MEPCE: variants seen among roughly 807,000 people sequenced by gnomAD.
The protein encoded by MEPCE is 7SK snRNA methylphosphate capping enzyme.
Under a neutral mutation model 52.3 loss-of-function variants are expected in MEPCE, and 9 were observed. The observed-to-expected ratio is 0.17, with a 90% CI of 0.10 to 0.30. The LOEUF (loss-of-function observed/expected upper bound fraction) is 0.30, where lower values mean the gene tolerates loss of function less well. MEPCE is among the 10% of genes least tolerant of loss of function. The pLI is 1.00. For synonymous variants in MEPCE, 477 were observed against 401.6 expected (o/e 1.19, Z -2.25); for missense variants, 826 against 933.0 (o/e 0.89, Z 1.49).
rs754062405 is a variant in MEPCE, at chr7:100,430,554, C to G, written c.536C>G (p.Ser179Cys). 5 of 1,594,062 alleles carry G rather than the reference C, an allele frequency of 3.1e-6. No individual in the cohort carries two copies. The South Asian group carries it at 4.5e-5, about 14-fold the overall frequency. The change falls in exon 1 of 4, where the codon TCT becomes TGT. Residue 179 changes from serine (S) to cysteine (C), a missense_variant. By Grantham distance (112) the Ser-to-Cys change is moderately radical. This residue lies in a region of MEPCE where 314 missense variants were observed against 277.7 expected (regional missense o/e 1.13). Transcript: ENST00000310512. ...AGGCGGGTGAATTCGGACTGTGACT[C>G]TGTGTTACCCTCCAACTTCCTCCTG... is the stretch of plus-strand genomic sequence containing the variant. ...RRRRVNSDCD[S>C]VLPSNFLLGG... is the part of the protein sequence containing the mutation.
In MEPCE at chr7:100,430,378, C is replaced by A. The variant is rs748460326; in HGVS notation, c.360C>A (p.Gly120=). ...TGGGGGAGGAGCGCCGGGGAGGGGG[C>A]GGGACAGAGCTGGGTCCCCCTGCTC... is the stretch of plus-strand genomic sequence containing the variant. The part of the protein sequence containing the change: ...PDVGEERRGG[G]GTELGPPAPP... The change falls in exon 1 of 4, where the codon GGC becomes GGA. Residue 120 remains glycine (G), a synonymous_variant. Coordinates refer to ENST00000310512, the MANE Select transcript of MEPCE (RefSeq NM_019606.6). 1 of 1,465,384 alleles carries A rather than the reference C, an allele frequency of 6.8e-7. No homozygotes were observed. Among genetic ancestry groups the A allele is most frequent in the South Asian group, 1.3e-5 (1 of 74,282 alleles). The allele number at this position is 1,465,384 out of a possible 1,614,324, so 90.8% of individuals were successfully genotyped here.
At position 100,431,494 on chromosome 7, in the gene MEPCE, C is replaced by T. The variant is rs1161380882; in HGVS notation, c.1476C>T (p.Ser492=). The change falls in exon 1 of 4, where the codon TCC becomes TCT. Residue 492 remains serine, a synonymous_variant. Coordinates refer to ENST00000310512, the MANE Select transcript of MEPCE (RefSeq NM_019606.6). ...GCCAAAACATCCGACACTACCTTTC[C>T]GAGGAGCTGCGTCTCCCACCCCAGA... The part of the protein sequence containing the change: ...SARQNIRHYL[S]EELRLPPQTL... 2 of 1,613,502 alleles carry T rather than the reference C, an allele frequency of 1.2e-6. No homozygotes were observed. The highest frequency in any genetic ancestry group is 1.7e-5 in the Admixed American group (1 of 60,018).
In MEPCE at chr7:100,431,046, T is replaced by C; in HGVS notation, c.1028T>C (p.Leu343Pro). The change falls in exon 1 of 4, where the codon CTA (leucine) becomes CCA (proline). Residue 343 changes from leucine (L) to proline (P), a missense_variant. Around this residue, in one of 7 missense-constraint regions of MEPCE, gnomAD observed 307 missense variants for 292.1 expected, o/e 1.05. Transcript: ENST00000310512. ...PSALQGPSGS[L>P]SAPPAASVIS... ...GCTCTGCAGGGTCCCTCAGGCTCCC[T>C]ATCAGCCCCTCCAGCTGCCTCAGTT... 6.2e-7 allele frequency: 1 copy of C among 1,613,878 alleles called. No homozygotes were observed. Among genetic ancestry groups the C allele is most frequent in the Non-Finnish European group, 8.5e-7 (1 of 1,180,028 alleles).
chr7:100,433,581 G>C lies in MEPCE; in HGVS notation c.*27G>C, dbSNP rs1396194873. On this transcript the variant is annotated 3_prime_UTR_variant, in exon 4 of 4. Transcript: ENST00000310512. ...TGGCCCCCTAAACAGAAAGTGTGAA[G>C]AGGCTGCCCTCGCTGCTCATAAGGA... 6.2e-7 allele frequency: 1 copy of C among 1,609,716 alleles called. No homozygotes were observed. The highest frequency in any genetic ancestry group is 2.2e-5 in the East Asian group (1 of 44,880).
Position 100,430,512 on chromosome 7 carries a change from C to T in MEPCE, c.494C>T (p.Pro165Leu), listed in dbSNP as rs1198018248. ...VGGGGGGFKH[P>L]AFKRRRRVNS... ...GGAGGCGGGGGAGGCTTCAAACATC[C>T]GGCCTTCAAGAGGCGCAGGCGGGTG... Residue 165 changes from proline to leucine, a missense_variant, in exon 1 of 4, where the codon CCG (proline) becomes CTG (leucine). Coordinates refer to ENST00000310512, the MANE Select transcript of MEPCE (RefSeq NM_019606.6). The T allele has an allele frequency of 5.7e-6, 9 of 1,581,802 alleles. No individual in the cohort carries two copies. Among genetic ancestry groups the T allele is most frequent in the African/African-American group, 1.3e-5 (1 of 74,496 alleles).
At position 100,431,018 on chromosome 7, in the gene MEPCE, T is replaced by C. The variant is rs920284246; in HGVS notation, c.1000T>C (p.Ser334Pro). 8.1e-6 allele frequency: 13 copies of C among 1,613,846 alleles called. 1 individual carries two copies. In the South Asian group the frequency reaches 1.3e-4, roughly 16 times the overall value. ...CRDEVVSPLP[S>P]ALQGPSGSLS... The stretch of plus-strand genomic sequence containing the variant: ...GGATGAAGTGGTGTCTCCCCTTCCA[T>C]CTGCTCTGCAGGGTCCCTCAGGCTC... The change falls in exon 1 of 4, where the codon TCT becomes CCT. Residue 334 changes from serine to proline, a missense_variant. Ser to Pro is a moderately conservative substitution (Grantham distance 74). Around this residue, in one of 7 missense-constraint regions of MEPCE, gnomAD observed 307 missense variants for 292.1 expected, o/e 1.05. Coordinates refer to ENST00000310512, the MANE Select transcript of MEPCE (RefSeq NM_019606.6).
At chr7:100,431,994 C>T (rs1448905385) in intron 1 of MEPCE, among the ~76,000 whole-genome samples, 1 of 152,190 alleles carries the variant, frequency 6.6e-6, no homozygotes. Context: ...CCCTTGAAGG[C>T]TGCTGCTCAC....
At chr7:100,429,606 T>G, upstream of MEPCE, 2 of 160,894 alleles carry the variant, frequency 1.2e-5, no homozygotes, top group East Asian at 1.8e-4. Flanking sequence ...GTGGTGGGCT[T>G]TTGCGGGGGC....
At position 100,433,915 on chromosome 7, in the gene MEPCE, C is replaced by T. The variant is rs999435486; in HGVS notation, c.*361C>T. The T allele has an allele frequency of 1.2e-5, 3 of 259,878 alleles. No homozygotes were observed. The highest frequency in any genetic ancestry group is 2.2e-5 in the Non-Finnish European group (3 of 133,788). The allele number at this position is 259,878 out of a possible 1,614,324, so 16.1% of individuals were successfully genotyped here. On this transcript the variant is annotated 3_prime_UTR_variant, in exon 4 of 4. Coordinates refer to ENST00000310512, the MANE Select transcript of MEPCE (RefSeq NM_019606.6). ...AAGGAGAGAGATTCCCATTTCTCCT[C>T]GGCCATTGTACCTAGCTCTTGTCCC...
At chr7:100,429,773 G>A (rs1798491623), upstream of MEPCE, 2 of 383,844 alleles carry the variant, frequency 5.2e-6, no homozygotes, top group African/African-American at 2.1e-5. Context: ...TAGTGGCGGA[G>A]GAGAAAGGGG....
upstream of MEPCE, chr7:100,429,527 C>T (rs1798432292): frequency 6.5e-6 from 1 of 152,738 alleles, no homozygotes; most frequent in Admixed American, 6.5e-5. Flanking sequence ...GGTGGGATCG[C>T]GCGGCAGAGA....
Position 100,430,414 on chromosome 7 carries a change from C to T in MEPCE, c.396C>T (p.Pro132=). Residue 132 remains proline (P), a synonymous_variant, in exon 1 of 4, where the codon CCC becomes CCT. Transcript: ENST00000310512. ...TGGGTCCCCCTGCTCCTCCTCGACC[C>T]CGCAATGGCTATCAGCCCCACCGGC... is the stretch of plus-strand genomic sequence containing the variant. The part of the protein sequence containing the change: ...TELGPPAPPR[P]RNGYQPHRPP... 1 of 1,547,758 alleles carries T rather than the reference C, an allele frequency of 6.5e-7. No homozygotes were observed.
chr7:100,430,330 G>C lies in MEPCE; in HGVS notation c.312G>C (p.Pro104=), dbSNP rs926372593. ...SHGEARLSDP[P]GRAAPPDVGE... is the part of the protein sequence containing the mutation. The stretch of plus-strand genomic sequence containing the variant: ...GGGAGGCCCGCCTGTCGGATCCCCC[G>C]GGGCGAGCCGCTCCCCCGGACGTGG... Residue 104 remains proline (P), a synonymous_variant, in exon 1 of 4, where the codon CCG becomes CCC. Transcript: ENST00000310512. 7.0e-7 allele frequency: 1 copy of C among 1,423,050 alleles called. No individual in the cohort carries two copies. Among genetic ancestry groups the C allele is most frequent in the Non-Finnish European group, 9.2e-7 (1 of 1,091,682 alleles). 88.2% of individuals were successfully genotyped at this position (1,423,050 alleles called of 1,614,324 possible). A position where few individuals can be genotyped will look rare whatever the true frequency, so the allele number is the denominator to read the frequency against.
chr7:100,430,774 T>C lies in MEPCE; in HGVS notation c.756T>C (p.Leu252=). ...GCACTGATGAGGGCCATGTAGTTCT[T>C]GCTTCGCCACTCAAGACTGGTCGGA... is the stretch of plus-strand genomic sequence containing the variant. ...NTCTDEGHVV[L]ASPLKTGRKR... Residue 252 remains leucine, a synonymous_variant, in exon 1 of 4, where the codon CTT becomes CTC. Coordinates refer to ENST00000310512, the MANE Select transcript of MEPCE (RefSeq NM_019606.6). 1 of 1,613,824 alleles carries C rather than the reference T, an allele frequency of 6.2e-7. No individual in the cohort carries two copies. Among genetic ancestry groups the C allele is most frequent in the Non-Finnish European group, 8.5e-7 (1 of 1,180,004 alleles).
Position 100,430,153 on chromosome 7 carries a change from C to T in MEPCE, c.135C>T (p.Gly45=), listed in dbSNP as rs1798574675. ...AGGCCGCCTCTGGGGAGCTCCGCGG[C>T]GGGACGGAGCGTGGTCCGGGTCGTT... ...HQEAASGELR[G]GTERGPGRCA... Residue 45 remains glycine (G), a synonymous_variant, in exon 1 of 4, where the codon GGC becomes GGT. Transcript: ENST00000310512. 3.9e-6 allele frequency: 5 copies of T among 1,284,454 alleles called. No individual in the cohort carries two copies. The highest frequency in any genetic ancestry group is 3.1e-5 in the African/African-American group (2 of 64,694). 79.6% of individuals were successfully genotyped at this position (1,284,454 alleles called of 1,614,324 possible).
rs1365836894 is a variant in MEPCE at position 100,433,406 on chromosome 7, T to C, written c.2017+17T>C. 3 of 1,614,126 alleles carry C rather than the reference T, an allele frequency of 1.9e-6. No individual in the cohort carries two copies. The highest frequency in any genetic ancestry group is 2.5e-6 in the Non-Finnish European group (3 of 1,180,004). ...CCTCTAAAGGTAAGGCTGGTTTATT[T>C]TGTCAGGGAGGCTGGTCCTGGCTGA... On this transcript the variant is annotated intron_variant, in intron 3 of 3. Transcript: ENST00000310512.
In MEPCE at chr7:100,433,256, T is replaced by A. The variant is rs576224586; in HGVS notation, c.1891-7T>A. On this transcript the variant is annotated splice_polypyrimidine_tract_variant and splice_region_variant and intron_variant, in intron 2 of 3. Transcript: ENST00000310512. ...GTGCTGAAGTGGTCCCTTGCCTCTCTCCTTAGGAAACGATCTACAAGAACT... is the reference window on the plus strand; with the variant it reads ...GTGCTGAAGTGGTCCCTTGCCTCTCACCTTAGGAAACGATCTACAAGAACT... 6.2e-7 allele frequency: 1 copy of A among 1,614,136 alleles called. No individual in the cohort carries two copies. The highest frequency in any genetic ancestry group is 1.1e-5 in the South Asian group (1 of 91,086).
In MEPCE at chr7:100,430,297, G is replaced by T. The variant is rs565639929; in HGVS notation, c.279G>T (p.Gln93His). ...ACCGAGGGGGCGGCCCCCAGGCGCA[G>T]TCGCATGGGGAGGCCCGCCTGTCGG... The part of the protein sequence containing the change: ...QQHRGGGPQA[Q>H]SHGEARLSDP... Residue 93 changes from glutamine (Q) to histidine (H), a missense_variant, in exon 1 of 4, where the codon CAG (glutamine) becomes CAT (histidine). Transcript: ENST00000310512. 2 of 1,409,406 alleles carry T rather than the reference G, an allele frequency of 1.4e-6. No individual in the cohort carries two copies. The highest frequency in any genetic ancestry group is 2.6e-4 in the Middle Eastern group (1 of 3,900). The allele number at this position is 1,409,406 out of a possible 1,614,324, so 87.3% of individuals were successfully genotyped here. A position where few individuals can be genotyped will look rare whatever the true frequency, so the allele number is the denominator to read the frequency against.
intron 1 of MEPCE, among the ~76,000 whole-genome samples, chr7:100,432,084 T>G (rs1316398356): frequency 6.6e-6 from 1 of 152,216 alleles, no homozygotes; most frequent in Non-Finnish European, 1.5e-5. Flanking sequence ...ATGGAATGTC[T>G]TCTAGGGAGG....
Sources: gnomAD v4.1 joint callset for allele counts (sites outside exome capture counted in the v4.1 genomes callset) on GRCh38, gnomAD v4.1.1 for gene constraint, gnomAD v4.1.1 regional missense constraint, MANE v1.5 for transcripts, NCBI Gene and HGNC (gene_info 2026-07-23, HGNC 2026-07-21) for gene names.